The following EPHB3 variants were observed in gnomAD, a reference collection of about 807,000 sequenced individuals.
EPHB3 encodes the protein ephrin type-B receptor 3.
A neutral mutation model predicts 100.2 loss-of-function variants in EPHB3; 33 were observed. The observed-to-expected ratio is 0.33, with a 90% CI of 0.25 to 0.44. EPHB3 has a LOEUF of 0.44. Ranked by LOEUF, EPHB3 falls within the 20% of genes least tolerant of loss-of-function variation. The pLI is 1.00. For synonymous variants in EPHB3, 526 were observed against 554.7 expected, an observed-to-expected ratio of 0.95 and a Z score of 0.73; for missense variants, 1,045 against 1,378.3, an observed-to-expected ratio of 0.76 and a Z score of 3.83.
chr3:184,562,289 G>T lies in EPHB3; in HGVS notation c.54G>T (p.Pro18=). ...CGTCGCCGCCGCCGGGGCTTCTGCCGCTGCTCCCTCCGCTGCTGCTGCTGC... is the reference window on the plus strand; with the variant it reads ...CGTCGCCGCCGCCGGGGCTTCTGCCTCTGCTCCCTCCGCTGCTGCTGCTGC... ...PPPSPPPGLL[P]LLPPLLLLPL... The change falls in exon 1 of 16, where the codon CCG becomes CCT. Residue 18 remains proline (P), a synonymous_variant. Coordinates refer to ENST00000330394, the MANE Select transcript of EPHB3 (RefSeq NM_004443.4). This position sits in a 1 kb window ranked among gnomAD's most constrained non-coding sequence, Gnocchi z 4.8. 1 of 1,239,062 alleles carries T rather than the reference G, an allele frequency of 8.1e-7. No homozygotes were observed. The highest frequency in any genetic ancestry group is 1.6e-5 in the African/African-American group (1 of 63,354). The allele number at this position is 1,239,062 out of a possible 1,614,324, so 76.8% of individuals were successfully genotyped here.
In EPHB3 at chr3:184,579,823, T is replaced by C; in HGVS notation, c.2061T>C (p.Gly687=). The C allele has an allele frequency of 6.2e-7, 1 of 1,611,120 alleles. No individual in the cohort carries two copies. The highest frequency in any genetic ancestry group is 2.2e-5 in the East Asian group (1 of 44,672). ...RDFLSEASIM[G]QFDHPNIIRL... is the part of the protein sequence containing the mutation. ...TCCTAAGCGAGGCCTCCATCATGGG[T>C]CAGTTTGATCACCCCAATATAATCC... The change falls in exon 11 of 16, where the codon GGT becomes GGC. Residue 687 remains glycine, a synonymous_variant. Transcript: ENST00000330394. This position sits in a 1 kb window ranked among gnomAD's most constrained non-coding sequence, Gnocchi z 5.2.
Position 184,579,574 on chromosome 3 carries a change from C to G in EPHB3, c.1899C>G (p.Val633=). ...CCAAGGAGATCGACGTGTCCTGCGT[C>G]AAGATCGAGGAGGTGATCGGAGCTG... ...EFAKEIDVSC[V]KIEEVIGAGE... Residue 633 remains valine (V), a synonymous_variant, in exon 10 of 16, where the codon GTC becomes GTG. Transcript: ENST00000330394. This position sits in a 1 kb window ranked among gnomAD's most constrained non-coding sequence, Gnocchi z 5.2. 1 of 1,614,008 alleles carries G rather than the reference C, an allele frequency of 6.2e-7. No individual in the cohort carries two copies. Among genetic ancestry groups the G allele is most frequent in the Non-Finnish European group, 8.5e-7 (1 of 1,179,992 alleles).
Position 184,580,868 on chromosome 3 carries a change from G to C in EPHB3, c.2528G>C (p.Ser843Thr). 1 of 1,613,964 alleles carries C rather than the reference G, an allele frequency of 6.2e-7. No homozygotes were observed. The highest frequency in any genetic ancestry group is 8.5e-7 in the Non-Finnish European group (1 of 1,179,822). ...GGAGAGCGACCCTACTGGGACATGA[G>C]CAACCAGGATGTGAGTGAGGCTACG... Reference protein sequence around the residue: ...SYGERPYWDMSNQDVINAVEQ... With the variant: ...SYGERPYWDMTNQDVINAVEQ... Residue 843 changes from serine (S) to threonine (T), a missense_variant, in exon 13 of 16, where the codon AGC becomes ACC. This residue lies in a region of EPHB3 where 985 missense variants were observed against 1,331.1 expected (regional missense o/e 0.74). Transcript: ENST00000330394.
rs973736210 is a variant in EPHB3 at position 184,573,596 on chromosome 3, T to A, written c.856+420T>A. Reference sequence around the variant, plus strand: ...TGTGGGTACCTTGTGCATGGCTTTTTACCCTGGGCTCTCTGCCCCTTGGGA... The same window carrying A: ...TGTGGGTACCTTGTGCATGGCTTTTAACCCTGGGCTCTCTGCCCCTTGGGA... On this transcript the variant is annotated intron_variant, in intron 3 of 15. Coordinates refer to ENST00000330394, the MANE Select transcript of EPHB3 (RefSeq NM_004443.4). The surrounding 1 kb of genome is among the most constrained non-coding windows in gnomAD (Gnocchi z 4.5). Among the ~76,000 whole-genome samples, 10 of 122,642 alleles carry A rather than the reference T, an allele frequency of 8.2e-5. No homozygotes were observed. The highest frequency in any genetic ancestry group is 3.0e-4 in the African/African-American group (10 of 33,068). 80.5% of individuals were successfully genotyped at this position (122,642 alleles called of 152,430 possible). A position where few individuals can be genotyped will look rare whatever the true frequency, so the allele number is the denominator to read the frequency against.
rs12490134 is a variant in EPHB3, at chr3:184,562,790, C to A, written c.118+437C>A. Among the ~76,000 whole-genome samples the A allele has an allele frequency of 0.31, 46,988 of 152,084 alleles. 7,807 individuals are homozygous for A. Among genetic ancestry groups the A allele is most frequent in the South Asian group, 0.37 (1,768 of 4,824 alleles). ...GGTTGGGGGGCGCTAATGAGGAGCC[C>A]GTTGGAGTTAACTGTGAGAGTGTGA... is the stretch of plus-strand genomic sequence containing the variant. On this transcript the variant is annotated intron_variant, in intron 1 of 15. Transcript: ENST00000330394. This position sits in a 1 kb window ranked among gnomAD's most constrained non-coding sequence, Gnocchi z 4.8.
In EPHB3 at chr3:184,565,165, C is replaced by T. The variant is rs1014901330; in HGVS notation, c.118+2812C>T. Among the ~76,000 whole-genome samples, 4 of 152,090 alleles carry T rather than the reference C, an allele frequency of 2.6e-5. No homozygotes were observed. Among genetic ancestry groups the T allele is most frequent in the Admixed American group, 1.3e-4 (2 of 15,272 alleles). On this transcript the variant is annotated intron_variant, in intron 1 of 15. Transcript: ENST00000330394. This position sits in a 1 kb window ranked among gnomAD's most constrained non-coding sequence, Gnocchi z 4.8. ...TGGAGCCTGGGTCCTTGCTTGTCCT[C>T]GTGGTTGAAAACATGCCCTCCCCTT...
Position 184,562,436 on chromosome 3 carries a change from A to G in EPHB3, c.118+83A>G. On this transcript the variant is annotated intron_variant, in intron 1 of 15. Transcript: ENST00000330394. The surrounding 1 kb of genome is among the most constrained non-coding windows in gnomAD (Gnocchi z 4.8). ...GGCTAGCAGCGTGGGTCCGACCCGG[A>G]TTGAGCGCACGTCGGAGGAGGCCCC... 8.8e-7 allele frequency: 1 copy of G among 1,132,022 alleles called. No individual in the cohort carries two copies. The highest frequency in any genetic ancestry group is 1.1e-6 in the Non-Finnish European group (1 of 923,798). 70.1% of individuals were successfully genotyped at this position (1,132,022 alleles called of 1,614,324 possible). A position where few individuals can be genotyped will look rare whatever the true frequency, so the allele number is the denominator to read the frequency against.
At position 184,573,242 on chromosome 3, in the gene EPHB3, C is replaced by T. The variant is rs1002463143; in HGVS notation, c.856+66C>T. On this transcript the variant is annotated intron_variant, in intron 3 of 15. Transcript: ENST00000330394. This position sits in a 1 kb window ranked among gnomAD's most constrained non-coding sequence, Gnocchi z 4.5. ...CCTGGGCCACAGCTACCTACCGCCC[C>T]GCCCCCCACCCCTGCTTGCTATCTG... 7.6e-6 allele frequency: 12 copies of T among 1,580,150 alleles called. No individual in the cohort carries two copies. The highest frequency in any genetic ancestry group is 2.7e-5 in the African/African-American group (2 of 74,242).
chr3:184,581,875 T>G lies in EPHB3; in HGVS notation c.*253T>G. On this transcript the variant is annotated 3_prime_UTR_variant, in exon 16 of 16. Coordinates refer to ENST00000330394, the MANE Select transcript of EPHB3 (RefSeq NM_004443.4). ...CCCCAAGCCCCTCAGGGCCCAGACC[T>G]TCCTGCTCTCCAGCAGGGGATCCCC... is the stretch of plus-strand genomic sequence containing the variant. 1 of 436,176 alleles carries G rather than the reference T, an allele frequency of 2.3e-6. No individual in the cohort carries two copies. The allele number at this position is 436,176 out of a possible 1,614,324, so 27.0% of individuals were successfully genotyped here.
In EPHB3 at chr3:184,573,095, G is replaced by T. The variant is rs1460787359; in HGVS notation, c.775G>T (p.Asp259Tyr). The change falls in exon 3 of 16, where the codon GAT becomes TAT. Residue 259 changes from aspartate (D) to tyrosine (Y), a missense_variant. Physicochemically the swap from Asp to Tyr is radical, Grantham distance 160. Coordinates refer to ENST00000330394, the MANE Select transcript of EPHB3 (RefSeq NM_004443.4). This position sits in a 1 kb window ranked among gnomAD's most constrained non-coding sequence, Gnocchi z 4.5. ...SVPLKLYCNG[D>Y]GEWMVPVGAC... ...GCCACTCAAGCTCTACTGCAACGGC[G>T]ATGGGGAGTGGATGGTGCCTGTGGG... 1 of 1,612,992 alleles carries T rather than the reference G, an allele frequency of 6.2e-7. No individual in the cohort carries two copies. Among genetic ancestry groups the T allele is most frequent in the East Asian group, 2.2e-5 (1 of 44,888 alleles).
chr3:184,568,845 C>A (rs1714462772), intron 1 of EPHB3, among the ~76,000 whole-genome samples: 1 of 152,296 alleles, frequency 6.6e-6, no homozygotes, highest in East Asian at 1.9e-4. Flanking sequence ...CGAGATTGAG[C>A]GATGGCCAAG....
chr3:184,568,894 CCT>C (rs1421034282), intron 1 of EPHB3, among the ~76,000 whole-genome samples: 2 of 152,174 alleles, frequency 1.3e-5, no homozygotes, highest in Non-Finnish European at 2.9e-5. Context: ...TCCCTCCCTC[CCT>C]CTCTCGCTCC....
chr3:184,567,567 ATACT>A (rs1423561739), intron 1 of EPHB3, among the ~76,000 whole-genome samples: 1 of 151,974 alleles, frequency 6.6e-6, no homozygotes, highest in Non-Finnish European at 1.5e-5. Context: ...CTAGGTATTG[ATACT>A]TACACCATGT....
rs1412091073 is a variant in EPHB3, at chr3:184,573,516, T to C, written c.856+340T>C. On this transcript the variant is annotated intron_variant, in intron 3 of 15. Transcript: ENST00000330394. The surrounding 1 kb of genome is among the most constrained non-coding windows in gnomAD (Gnocchi z 4.5). ...GATGCTCGCTTTGTCCCGGCCTGAG[T>C]GTATGCTTCACCCTGAAAGTGGTAG... Among the ~76,000 whole-genome samples the C allele has an allele frequency of 6.6e-6, 1 of 152,012 alleles. No individual in the cohort carries two copies. Among genetic ancestry groups the C allele is most frequent in the Non-Finnish European group, 1.5e-5 (1 of 68,004 alleles).
chr3:184,580,576 C>G lies in EPHB3; in HGVS notation c.2347C>G (p.Leu783Val). 6.2e-7 allele frequency: 1 copy of G among 1,614,192 alleles called. No homozygotes were observed. Among genetic ancestry groups the G allele is most frequent in the South Asian group, 1.1e-5 (1 of 91,084 alleles). ...KVSDFGLSRF[L>V]EDDPSDPTYT... ...CTCAGACTTTGGCCTCTCCCGCTTC[C>G]TGGAGGATGACCCCTCCGATCCTAC... The change falls in exon 12 of 16, where the codon CTG becomes GTG. Residue 783 changes from leucine to valine, a missense_variant. Coordinates refer to ENST00000330394, the MANE Select transcript of EPHB3 (RefSeq NM_004443.4).
At position 184,575,225 on chromosome 3, in the gene EPHB3, G is replaced by A. The variant is rs191432334; in HGVS notation, c.857-605G>A. 1,446 of 985,388 alleles carry A rather than the reference G, an allele frequency of 1.5e-3. 10 individuals carry two copies. The African/African-American group carries it at 0.021, about 14-fold the overall frequency. The allele number at this position is 985,388 out of a possible 1,614,324, so 61.0% of individuals were successfully genotyped here. ...GTGAGTCCCCTTGTGGACACTTGAG[G>A]CCTCTGAACTCCAGGTGACCCCAGC... is the stretch of plus-strand genomic sequence containing the variant. On this transcript the variant is annotated intron_variant, in intron 3 of 15. Transcript: ENST00000330394.
chr3:184,564,189 C>T (rs1033293830), intron 1 of EPHB3, among the ~76,000 whole-genome samples: 7 of 152,194 alleles, frequency 4.6e-5, no homozygotes, highest in African/African-American at 1.2e-4. Flanking sequence ...TCCCCATTCC[C>T]GGCCTGCCCA....
chr3:184,580,881 G>C lies in EPHB3; in HGVS notation c.2538+3G>C. 1 of 1,613,374 alleles carries C rather than the reference G, an allele frequency of 6.2e-7. No individual in the cohort carries two copies. The highest frequency in any genetic ancestry group is 8.5e-7 in the Non-Finnish European group (1 of 1,179,396). ...ACTGGGACATGAGCAACCAGGATGT[G>C]AGTGAGGCTACGCCAGAGTGGTTGG... On this transcript the variant is annotated splice_donor_region_variant and intron_variant, in intron 13 of 15. Coordinates refer to ENST00000330394, the MANE Select transcript of EPHB3 (RefSeq NM_004443.4).
At position 184,579,611 on chromosome 3, in the gene EPHB3, G is replaced by C; in HGVS notation, c.1924+12G>C. ...GGTGATCGGAGCTGGTGAGTCTCCC[G>C]GGGCACAGTAGAGATGAGAAGCTGA... is the stretch of plus-strand genomic sequence containing the variant. On this transcript the variant is annotated intron_variant, in intron 10 of 15. Transcript: ENST00000330394. The surrounding 1 kb of genome is among the most constrained non-coding windows in gnomAD (Gnocchi z 5.2). 1 of 1,613,806 alleles carries C rather than the reference G, an allele frequency of 6.2e-7. No homozygotes were observed. Among genetic ancestry groups the C allele is most frequent in the African/African-American group, 1.3e-5 (1 of 74,956 alleles).
Sources: gnomAD v4.1 joint callset for allele counts (sites outside exome capture counted in the v4.1 genomes callset) on GRCh38, gnomAD v4.1.1 for gene constraint, gnomAD v4.1.1 regional missense constraint, Gnocchi (gnomAD v3.1) non-coding constraint, MANE v1.5 for transcripts, NCBI Gene and HGNC (gene_info 2026-07-23, HGNC 2026-07-21) for gene names.